The following ROBO2 variants were observed in gnomAD, a reference collection of about 807,000 sequenced individuals.
ROBO2 encodes roundabout guidance receptor 2.
In ROBO2, 53 loss-of-function variants were observed where a neutral mutation model predicts 160.8. The observed-to-expected ratio is 0.33, with a 90% CI of 0.26 to 0.41. The LOEUF is 0.41. Among genes scored for constraint, ROBO2 ranks in the 10% least tolerant of loss-of-function variants. ROBO2 has a pLI of 1.00. For missense variants in ROBO2, 1,577 were observed against 1,722.4 expected (o/e 0.92, Z 1.49); for synonymous variants, 664 against 611.7 (o/e 1.09, Z -1.26).
chr3:75,998,760 A>G (rs969037052), intron 2 of ROBO2, among the ~76,000 whole-genome samples: 6 of 152,234 alleles, frequency 3.9e-5, no homozygotes, highest in East Asian at 1.9e-4. Context: ...GCAAGTTTCA[A>G]GATGTGTGAA....
At chr3:77,046,773 G>A (rs2064713431) in intron 1 of ROBO2, among the ~76,000 whole-genome samples, 1 of 152,196 alleles carries the variant, frequency 6.6e-6, no homozygotes, top group Non-Finnish European at 1.5e-5. Flanking sequence ...ATGAGAAAAT[G>A]AGCTTGAATA....
intron 2 of ROBO2, among the ~76,000 whole-genome samples, chr3:76,116,701 A>T (rs1334274747): frequency 6.6e-6 from 1 of 152,170 alleles, no homozygotes; most frequent in Non-Finnish European, 1.5e-5. Context: ...AATTTATTTG[A>T]TGCTACAGAC....
At chr3:76,513,380 TCTCA>T (rs2107780532) in intron 2 of ROBO2, among the ~76,000 whole-genome samples, 1 of 152,162 alleles carries the variant, frequency 6.6e-6, no homozygotes, top group Non-Finnish European at 1.5e-5. Flanking sequence ...TGAGGAAGAG[TCTCA>T]CTCTGTCACC....
At chr3:77,331,767 G>A (rs190014581) in intron 2 of ROBO2, among the ~76,000 whole-genome samples, 33 of 152,122 alleles carry the variant, frequency 2.2e-4, no homozygotes, top group African/African-American at 7.0e-4. Flanking sequence ...GCAGTGGCGC[G>A]ATATGTCGGC....
At chr3:76,069,254 T>A (rs1469156635) in intron 2 of ROBO2, among the ~76,000 whole-genome samples, 3 of 152,220 alleles carry the variant, frequency 2.0e-5, no homozygotes, top group Non-Finnish European at 4.4e-5. Context: ...AACCTGGTTC[T>A]CCTGCAAGTT....
intron 2 of ROBO2, among the ~76,000 whole-genome samples, chr3:77,463,634 G>A (rs1442098662): frequency 2.0e-5 from 3 of 152,000 alleles, no homozygotes; most frequent in African/African-American, 7.2e-5. Context: ...AGACTGGAGT[G>A]CAGTGGTGCA....
chr3:77,450,665 T>C (rs1266463031), intron 2 of ROBO2, among the ~76,000 whole-genome samples: 1 of 152,148 alleles, frequency 6.6e-6, no homozygotes, highest in African/African-American at 2.4e-5. Flanking sequence ...TTCTACTTTG[T>C]CAATATCAAA....
At chr3:77,115,547 A>G (rs1356694626) in intron 2 of ROBO2, among the ~76,000 whole-genome samples, 2 of 152,168 alleles carry the variant, frequency 1.3e-5, no homozygotes, top group East Asian at 1.9e-4. Context: ...CCCTTTCTCT[A>G]CTTTATAAAC....
At chr3:76,995,328 AT>A (rs1284407493) in intron 2 of ROBO2, among the ~76,000 whole-genome samples, 41 of 151,844 alleles carry the variant, frequency 2.7e-4, no homozygotes, top group South Asian at 4.2e-4. Flanking sequence ...ATGTGCCACA[AT>A]TTTCTTAATC....
rs1037974088 is a variant in ROBO2 at position 76,755,362 on chromosome 3, A to G, written c.110-342652A>G. Among the ~76,000 whole-genome samples the G allele has an allele frequency of 4.6e-5, 7 of 152,002 alleles. No homozygotes were observed. The East Asian group carries it at 7.8e-4, about 17-fold the overall frequency. ...ATAAAACCAGTAAGTGCTAAGAGACATCTACCCCAGAGTAAGGACTAGTAA... is the reference window on the plus strand; with the variant it reads ...ATAAAACCAGTAAGTGCTAAGAGACGTCTACCCCAGAGTAAGGACTAGTAA... On this transcript the variant is annotated intron_variant, in intron 2 of 26. Coordinates refer to the ROBO2 transcript ENST00000487694.
intron 4 of ROBO2, among the ~76,000 whole-genome samples, chr3:77,486,322 A>G (rs2085348360): frequency 6.6e-6 from 1 of 152,086 alleles, no homozygotes; most frequent in Non-Finnish European, 1.5e-5. Context: ...CTGGTTCTAG[A>G]TCCTTGAGGA....
chr3:76,580,843 A>G (rs1032547643), intron 2 of ROBO2, among the ~76,000 whole-genome samples: 11 of 152,164 alleles, frequency 7.2e-5, no homozygotes, highest in Non-Finnish European at 1.5e-4. Context: ...ACAAATGCTT[A>G]AAAGTTCTGA....
chr3:77,015,829 A>T (rs2062204827), intron 2 of ROBO2, among the ~76,000 whole-genome samples: 1 of 152,178 alleles, frequency 6.6e-6, no homozygotes, highest in South Asian at 2.1e-4. Context: ...TTAGAAATCT[A>T]AAACATAATG....
intron 2 of ROBO2, among the ~76,000 whole-genome samples, chr3:77,020,974 G>A (rs1038867358): frequency 6.6e-6 from 1 of 152,082 alleles, no homozygotes; most frequent in African/African-American, 2.4e-5. Flanking sequence ...GTAGGCTAAG[G>A]TGGAAGGGTT....
intron 2 of ROBO2, among the ~76,000 whole-genome samples, chr3:76,720,583 G>A (rs1028229765): frequency 6.6e-6 from 1 of 152,148 alleles, no homozygotes; most frequent in Non-Finnish European, 1.5e-5. Context: ...GTTTGCCTTA[G>A]GCAGAAACAA....
chr3:77,154,813 A>T (rs1394482444), intron 2 of ROBO2, among the ~76,000 whole-genome samples: 1 of 151,992 alleles, frequency 6.6e-6, no homozygotes, highest in Non-Finnish European at 1.5e-5. Context: ...AGAGCTAAAC[A>T]CTGGGTACTC....
intron 2 of ROBO2, among the ~76,000 whole-genome samples, chr3:76,676,543 G>T (rs1353210140): frequency 1.3e-5 from 2 of 152,134 alleles, no homozygotes; most frequent in African/African-American, 2.4e-5. Context: ...GTATTTGTGT[G>T]TGTAAGTGTG....
chr3:76,591,436 A>G (rs1482901030), intron 2 of ROBO2, among the ~76,000 whole-genome samples: 1 of 152,138 alleles, frequency 6.6e-6, no homozygotes, highest in Admixed American at 6.5e-5. Flanking sequence ...AAAAAAGATC[A>G]GTGATGTCTA....
At chr3:76,754,354 T>C (rs767378351) in intron 2 of ROBO2, among the ~76,000 whole-genome samples, 1 of 151,912 alleles carries the variant, frequency 6.6e-6, no homozygotes, top group Non-Finnish European at 1.5e-5. Flanking sequence ...AGCCTCGTTA[T>C]CTGTCAAAGG....
Sources: gnomAD v4.1 joint callset for allele counts (sites outside exome capture counted in the v4.1 genomes callset) on GRCh38, gnomAD v4.1.1 for gene constraint, MANE v1.5 for transcripts, NCBI Gene and HGNC (gene_info 2026-07-23, HGNC 2026-07-21) for gene names.